Variants in PTPRN2 observed in about 807,000 individuals in gnomAD.
The protein encoded by PTPRN2 is protein tyrosine phosphatase receptor type N2.
A neutral mutation model predicts 118.8 loss-of-function variants in PTPRN2; 74 were observed. That is an observed-to-expected ratio of 0.62 (90% confidence interval 0.52 to 0.76). PTPRN2 has a LOEUF of 0.76. Among genes scored for constraint, PTPRN2 ranks in the 30% least tolerant of loss-of-function variants. The pLI, the probability that PTPRN2 is intolerant of heterozygous loss-of-function variation, is 0.00. For missense variants in PTPRN2, 1,481 were observed against 1,394.4 expected (o/e 1.06, Z -0.99); for synonymous variants, 641 against 608.0 (o/e 1.05, Z -0.80).
intron 11 of PTPRN2, among the ~76,000 whole-genome samples, chr7:157,904,549 G>A (rs545349702): frequency 5.8e-4 from 89 of 152,312 alleles, no homozygotes; most frequent in African/African-American, 1.7e-3. Context: ...TCCGGGTCCC[G>A]GAGTCCCCAG....
chr7:157,560,862 G>A lies in PTPRN2; in HGVS notation c.2902+8040C>T, dbSNP rs1450904350. Among the ~76,000 whole-genome samples, 1 of 152,150 alleles carries A rather than the reference G, an allele frequency of 6.6e-6. No homozygotes were observed. Among genetic ancestry groups the A allele is most frequent in the Admixed American group, 6.5e-5 (1 of 15,280 alleles). On this transcript the variant is annotated intron_variant, in intron 21 of 22. Transcript: ENST00000389418. This position sits in a 1 kb window ranked among gnomAD's most constrained non-coding sequence, Gnocchi z 6.7. Reference sequence around the variant, plus strand: ...TTTCATGTTTCAGCCAAACATAAAAGCGAGACGTCTCCTGCTCAGCTTTCC... The same window carrying A: ...TTTCATGTTTCAGCCAAACATAAAAACGAGACGTCTCCTGCTCAGCTTTCC...
At chr7:158,311,658 G>A (rs944880383) in intron 3 of PTPRN2, among the ~76,000 whole-genome samples, 2 of 152,254 alleles carry the variant, frequency 1.3e-5, no homozygotes, top group African/African-American at 4.8e-5. Context: ...CGCGCAAGCA[G>A]CTGTCTGTCA....
At chr7:158,027,865 C>T (rs771801687) in intron 11 of PTPRN2, 4 of 152,220 alleles carry the variant, frequency 2.6e-5, no homozygotes, top group African/African-American at 7.2e-5. Flanking sequence ...GAGGGAGAAT[C>T]GCAGGAGGCA....
intron 1 of PTPRN2, among the ~76,000 whole-genome samples, chr7:158,535,730 A>G (rs1305535835): frequency 6.6e-6 from 1 of 151,884 alleles, no homozygotes; most frequent in Non-Finnish European, 1.5e-5. Context: ...GAGTGTGTAT[A>G]TGTCCTCAAC....
At chr7:158,081,172 C>T (rs1430326751) in intron 11 of PTPRN2, 126 bp downstream of exon 11, 1 of 941,164 alleles carries the variant, frequency 1.1e-6, no homozygotes, top group Non-Finnish European at 1.7e-6. Flanking sequence ...CGAGACCTTC[C>T]TCTGGGTTGC....
At chr7:157,715,886 G>A (rs757221258) in intron 12 of PTPRN2, among the ~76,000 whole-genome samples, 10 of 152,206 alleles carry the variant, frequency 6.6e-5, no homozygotes, top group East Asian at 1.9e-4. Flanking sequence ...TGCATGCTCC[G>A]GGGAGACACA....
chr7:157,593,803 G>T (rs908948587), intron 17 of PTPRN2, among the ~76,000 whole-genome samples: 1 of 152,154 alleles, frequency 6.6e-6, no homozygotes, highest in African/African-American at 2.4e-5. Context: ...GTTCTCACCG[G>T]GCTGGGCGAC....
intron 2 of PTPRN2, among the ~76,000 whole-genome samples, chr7:158,396,430 G>A (rs1349544089): frequency 1.3e-5 from 2 of 152,216 alleles, no homozygotes; most frequent in Non-Finnish European, 2.9e-5. Context: ...GCACGTGTGT[G>A]TGCATGAATG....
intron 3 of PTPRN2, among the ~76,000 whole-genome samples, chr7:158,264,273 A>G (rs1378323993): frequency 6.6e-6 from 1 of 152,222 alleles, no homozygotes; most frequent in Admixed American, 6.5e-5. Flanking sequence ...AATAAAATAC[A>G]TATCCAGATG....
chr7:157,657,992 GACAC>G (rs200553652), intron 13 of PTPRN2, among the ~76,000 whole-genome samples: 4 of 126,886 alleles, frequency 3.2e-5, no homozygotes, highest in Non-Finnish European at 6.8e-5. Context: ...ACACGTCACA[GACAC>G]ACACACCACA....
At chr7:158,116,280 T>G (rs1243633713) in intron 9 of PTPRN2, among the ~76,000 whole-genome samples, 5 of 152,196 alleles carry the variant, frequency 3.3e-5, no homozygotes, top group Non-Finnish European at 7.3e-5. Context: ...AAAGCATGAA[T>G]TAGTTTTGGG....
At chr7:158,238,825 A>C (rs1795726139) in intron 3 of PTPRN2, among the ~76,000 whole-genome samples, 1 of 152,136 alleles carries the variant, frequency 6.6e-6, no homozygotes, top group South Asian at 2.1e-4. Flanking sequence ...CTGGAGCAAC[A>C]AGGCCCCATG....
chr7:157,833,869 G>A (rs531852963), intron 12 of PTPRN2, among the ~76,000 whole-genome samples: 14 of 152,306 alleles, frequency 9.2e-5, no homozygotes, highest in Non-Finnish European at 1.3e-4. Context: ...TTTCTGAGTC[G>A]AATCGGACAG....
chr7:158,445,157 G>A (rs916732507), intron 2 of PTPRN2, among the ~76,000 whole-genome samples: 1 of 152,214 alleles, frequency 6.6e-6, no homozygotes, highest in Non-Finnish European at 1.5e-5. Flanking sequence ...TCTCCAGAGG[G>A]GGCAGGCCCT....
chr7:158,485,866 G>A (rs1026166194), intron 2 of PTPRN2, among the ~76,000 whole-genome samples: 1 of 152,196 alleles, frequency 6.6e-6, no homozygotes, highest in Non-Finnish European at 1.5e-5. Context: ...TCGCACGGCT[G>A]TCATCGTATT....
At chr7:158,493,122 C>T (rs887101042) in intron 1 of PTPRN2, among the ~76,000 whole-genome samples, 1 of 152,220 alleles carries the variant, frequency 6.6e-6, no homozygotes, top group African/African-American at 2.4e-5. Context: ...CTCTGCTGAA[C>T]CCTATAGCAG....
intron 12 of PTPRN2, among the ~76,000 whole-genome samples, chr7:157,839,426 ACTGTGTGTGTGTCTGG>A (rs1383075580): frequency 1.4e-5 from 2 of 143,212 alleles, no homozygotes; most frequent in East Asian, 2.1e-4. Context: ...TGTGAGAGAG[ACTGTGTGTGTGTCTGG>A]CTGTGTGTGT....
intron 1 of PTPRN2, among the ~76,000 whole-genome samples, chr7:158,562,196 C>T (rs879493381): frequency 5.3e-5 from 8 of 152,168 alleles, no homozygotes; most frequent in Admixed American, 5.2e-4. Context: ...CCAGGAGACT[C>T]GGCATCCCAA....
In PTPRN2 at chr7:158,445,810, G is replaced by A. The variant is rs533110294; in HGVS notation, c.163+43925C>T. 4.2e-3 allele frequency among the ~76,000 whole-genome samples: 638 copies of A among 152,298 alleles called. 2 individuals carry two copies. Among genetic ancestry groups the A allele is most frequent in the African/African-American group, 0.014 (587 of 41,548 alleles). On this transcript the variant is annotated intron_variant, in intron 2 of 22. Coordinates refer to ENST00000389418, the MANE Select transcript of PTPRN2 (RefSeq NM_002847.5). ...CCTGCTCCCACCTCCTCCTGTCCCC[G>A]TGAGCCACAGAGCAGCAGACGCATC...
Sources: gnomAD v4.1 joint callset for allele counts (sites outside exome capture counted in the v4.1 genomes callset) on GRCh38, gnomAD v4.1.1 for gene constraint, Gnocchi (gnomAD v3.1) non-coding constraint, MANE v1.5 for transcripts, NCBI Gene and HGNC (gene_info 2026-07-23, HGNC 2026-07-21) for gene names.